Variants in BLACAT1 observed in about 807,000 individuals in gnomAD.
The protein encoded by BLACAT1 is BLACAT1 overlapping LEMD1 locus.
intron 1 of BLACAT1, among the ~76,000 whole-genome samples, chr1:205,449,112 C>T (rs887226553): frequency 3.9e-5 from 6 of 152,120 alleles, no homozygotes; most frequent in Non-Finnish European, 7.4e-5. Flanking sequence ...CTGGAGCCAT[C>T]CCTGACAAGG....
At chr1:205,444,045 G>A (rs1017440488) in intron 1 of BLACAT1, among the ~76,000 whole-genome samples, 8 of 152,048 alleles carry the variant, frequency 5.3e-5, no homozygotes, top group Non-Finnish European at 5.9e-5. Flanking sequence ...CCCTTGCTGC[G>A]TCTATTTGAG....
chr1:205,452,870 C>T (rs1311327330), intron 1 of BLACAT1, among the ~76,000 whole-genome samples: 1 of 152,194 alleles, frequency 6.6e-6, no homozygotes, highest in African/African-American at 2.4e-5. Flanking sequence ...TGGATGTTGG[C>T]TGAATGGTAT....
chr1:205,448,343 A>G lies in BLACAT1; in HGVS notation c.-36-7281T>C, dbSNP rs754996889. On this transcript the variant is annotated intron_variant, in intron 1 of 1. Transcript: ENST00000629624. The surrounding 1 kb of genome is among the most constrained non-coding windows in gnomAD (Gnocchi z 4.7). The stretch of plus-strand genomic sequence containing the variant: ...TGTAGCCCATGGCTTTTAGCCCTAC[A>G]TGAGTTTGGGACAGCAATCACATAG... The G allele has an allele frequency of 7.5e-6, 4 of 534,390 alleles. No individual in the cohort carries two copies. The African/African-American group carries it at 7.7e-5, about 10-fold the overall frequency. The allele number at this position is 534,390 out of a possible 1,614,324, so 33.1% of individuals were successfully genotyped here. A position where few individuals can be genotyped will look rare whatever the true frequency, so the allele number is the denominator to read the frequency against.
intron 1 of BLACAT1, among the ~76,000 whole-genome samples, chr1:205,449,006 A>G (rs1999131): frequency 0.36 from 55,035 of 151,898 alleles, 10,270 homozygotes; most frequent in Non-Finnish European, 0.41. Flanking sequence ...CCATTCTTGC[A>G]TAGTTTAGAG....
chr1:205,438,926 C>T (rs1174690184), downstream of BLACAT1, among the ~76,000 whole-genome samples: 1 of 152,020 alleles, frequency 6.6e-6, no homozygotes, highest in Non-Finnish European at 1.5e-5. Flanking sequence ...CTCGGCCACC[C>T]GCTCCCCAGG....
intron 1 of BLACAT1, among the ~76,000 whole-genome samples, chr1:205,454,864 TA>T (rs879704935): frequency 0.018 from 2,630 of 142,436 alleles, 55 homozygotes; most frequent in African/African-American, 0.057. Flanking sequence ...TTAAGGTATG[TA>T]AAAAAAAAAA....
chr1:205,435,869 C>G (rs1336879146), downstream of BLACAT1: 2 of 152,196 alleles, frequency 1.3e-5, no homozygotes, highest in African/African-American at 4.8e-5. Context: ...TTAAACAGTT[C>G]CCCCTGGCTG....
chr1:205,440,029 G>C (rs1575007696), exon 2 of BLACAT1, among the ~76,000 whole-genome samples: 1 of 152,062 alleles, frequency 6.6e-6, no homozygotes, highest in South Asian at 2.1e-4. Context: ...AGTTTCCACT[G>C]AAGGCACCAC....
intron 1 of BLACAT1, among the ~76,000 whole-genome samples, chr1:205,442,150 T>C (rs544576112): frequency 6.6e-6 from 1 of 152,226 alleles, no homozygotes; most frequent in Non-Finnish European, 1.5e-5. Context: ...GCGCCCTGCG[T>C]GGAGGTCAGG....
chr1:205,445,025 TA>T (rs1666360111), intron 1 of BLACAT1, among the ~76,000 whole-genome samples: 1 of 151,894 alleles, frequency 6.6e-6, no homozygotes, highest in African/African-American at 2.4e-5. Flanking sequence ...GTAATTAAAA[TA>T]TGAATTCACC....
chr1:205,452,442 G>A (rs1666510400), intron 1 of BLACAT1, among the ~76,000 whole-genome samples: 1 of 152,214 alleles, frequency 6.6e-6, no homozygotes, highest in Admixed American at 6.5e-5. Context: ...TCCAAGAAAG[G>A]AAAGAAGTAG....
chr1:205,442,478 G>A (rs1345363893), intron 1 of BLACAT1, among the ~76,000 whole-genome samples: 1 of 152,172 alleles, frequency 6.6e-6, no homozygotes, highest in Non-Finnish European at 1.5e-5. Context: ...CTTCCTTCGT[G>A]TTTCTCCAGA....
chr1:205,441,979 A>G lies in BLACAT1; in HGVS notation c.-36-917T>C, dbSNP rs180745609. On this transcript the variant is annotated intron_variant, in intron 1 of 1. Coordinates refer to ENST00000629624, the Ensembl canonical transcript of BLACAT1. This position sits in a 1 kb window ranked among gnomAD's most constrained non-coding sequence, Gnocchi z 4.3. Reference sequence around the variant, plus strand: ...GAGCTCAGCTTCAGTCTGCAAGAGTATCCCTTTCTCCAAAGGCTCATTTAG... The same window carrying G: ...GAGCTCAGCTTCAGTCTGCAAGAGTGTCCCTTTCTCCAAAGGCTCATTTAG... Among the ~76,000 whole-genome samples, 3 of 152,290 alleles carry G rather than the reference A, an allele frequency of 2.0e-5. No homozygotes were observed. The highest frequency in any genetic ancestry group is 4.4e-5 in the Non-Finnish European group (3 of 68,022).
chr1:205,446,287 G>GCC (rs939507042), intron 1 of BLACAT1, among the ~76,000 whole-genome samples: 1 of 152,208 alleles, frequency 6.6e-6, no homozygotes. Flanking sequence ...AGCAATCCAG[G>GCC]CCCAGCCCCA....
intron 1 of BLACAT1, among the ~76,000 whole-genome samples, chr1:205,453,154 C>T (rs368571535): frequency 6.6e-6 from 1 of 152,152 alleles, no homozygotes; most frequent in Non-Finnish European, 1.5e-5. Flanking sequence ...CCCAAACAAG[C>T]CTGCAGATTC....
At chr1:205,435,926 C>T (rs924094035), downstream of BLACAT1, 1 of 152,260 alleles carries the variant, frequency 6.6e-6, no homozygotes, top group Non-Finnish European at 1.5e-5. Flanking sequence ...TTTTTCCCAT[C>T]CTCAGGCCTC....
At chr1:205,437,437 C>G (rs887324920), downstream of BLACAT1, 1 of 152,308 alleles carries the variant, frequency 6.6e-6, no homozygotes, top group African/African-American at 2.4e-5. Flanking sequence ...ACTTACTCCC[C>G]TTGGGCCTGG....
In BLACAT1 at chr1:205,441,397, T is replaced by C. The variant is rs943634279; in HGVS notation, c.-36-335A>G. 5.3e-5 allele frequency among the ~76,000 whole-genome samples: 8 copies of C among 151,988 alleles called. No homozygotes were observed. The highest frequency in any genetic ancestry group is 1.7e-4 in the African/African-American group (7 of 41,396). On this transcript the variant is annotated intron_variant, in intron 1 of 1. Coordinates refer to ENST00000629624, the Ensembl canonical transcript of BLACAT1. The surrounding 1 kb of genome is among the most constrained non-coding windows in gnomAD (Gnocchi z 4.3). ...CCACCTCATCACCATATACCTGTGG[T>C]TGGGGAACAGGAAGCAAGCTGGCTT... is the stretch of plus-strand genomic sequence containing the variant.
At chr1:205,439,424 C>A (rs1230421787), downstream of BLACAT1, among the ~76,000 whole-genome samples, 1 of 152,264 alleles carries the variant, frequency 6.6e-6, no homozygotes, top group Non-Finnish European at 1.5e-5. Context: ...CCCACCCAAT[C>A]TGCCCAAAGC....
Sources: allele counts gnomAD v4.1 joint callset (sites outside exome capture counted in the v4.1 genomes callset), GRCh38; gene constraint gnomAD v4.1.1; non-coding constraint Gnocchi (gnomAD v3.1); transcripts MANE v1.5; gene names NCBI Gene and HGNC (gene_info 2026-07-23, HGNC 2026-07-21).